SLC9C1: variants seen among roughly 807,000 people sequenced by gnomAD.
SLC9C1 encodes the protein sodium/hydrogen exchanger 10.
SLC9C1 carries 97 observed loss-of-function variants against 140.9 expected under a neutral mutation model. That is an observed-to-expected ratio of 0.69 (90% CI 0.58 to 0.82). SLC9C1 has a LOEUF of 0.82. SLC9C1 is among the 40% of genes least tolerant of loss of function. The pLI is 0.00. For synonymous variants in SLC9C1, 440 were observed against 442.6 expected, an observed-to-expected ratio of 0.99 and a Z score of 0.07; for missense variants, 1,340 against 1,389.3, an observed-to-expected ratio of 0.96 and a Z score of 0.56.
chr3:112,156,683 G>A (rs553758384), intron 26 of SLC9C1, among the ~76,000 whole-genome samples: 1 of 152,032 alleles, frequency 6.6e-6, no homozygotes, highest in Admixed American at 6.6e-5. Context: ...GTATTTGCCA[G>A]TATTTTAAAT....
chr3:112,228,479 T>C (rs1403487293), intron 13 of SLC9C1, among the ~76,000 whole-genome samples: 1 of 151,958 alleles, frequency 6.6e-6, no homozygotes, highest in African/African-American at 2.4e-5. Flanking sequence ...TGGGCAAGGA[T>C]TTCATGGCTA....
intron 6 of SLC9C1, among the ~76,000 whole-genome samples, chr3:112,270,594 T>C (rs2080044410): frequency 6.6e-6 from 1 of 152,206 alleles, no homozygotes; most frequent in Non-Finnish European, 1.5e-5. Context: ...GGTGGGCAGA[T>C]CACTTGAGGC....
intron 28 of SLC9C1, among the ~76,000 whole-genome samples, chr3:112,146,111 G>A (rs2074787445): frequency 1.3e-5 from 2 of 152,028 alleles, no homozygotes; most frequent in Non-Finnish European, 1.5e-5. Flanking sequence ...GTATGTAGAG[G>A]TGTTCATAAC....
intron 13 of SLC9C1, among the ~76,000 whole-genome samples, chr3:112,227,860 A>G (rs1362039633): frequency 4.6e-5 from 7 of 152,116 alleles, no homozygotes; most frequent in African/African-American, 1.7e-4. Context: ...AACCATGAAA[A>G]TGAAAGACCT....
At chr3:112,215,390 A>C (rs1478024872) in intron 15 of SLC9C1, among the ~76,000 whole-genome samples, 1 of 152,202 alleles carries the variant, frequency 6.6e-6, no homozygotes, top group African/African-American at 2.4e-5. Flanking sequence ...AATAAAGGGT[A>C]GTCAATTAGG....
rs188511133 is a variant in SLC9C1 at position 112,193,017 on chromosome 3, G to T, written c.2523+6304C>A. Reference sequence around the variant, plus strand: ...TATTGGCATGAGTAGGTCTTGGGGTGTCGGTTGGGTAGAATGCATTGGCTT... The same window carrying T: ...TATTGGCATGAGTAGGTCTTGGGGTTTCGGTTGGGTAGAATGCATTGGCTT... On this transcript the variant is annotated intron_variant, in intron 20 of 28. Transcript: ENST00000305815. Among the ~76,000 whole-genome samples the T allele has an allele frequency of 1.4e-3, 216 of 152,212 alleles. 3 individuals carry two copies. Among genetic ancestry groups the T allele is most frequent in the East Asian group, 0.013 (65 of 5,168 alleles).
chr3:112,269,757 T>G (rs2080020649), intron 7 of SLC9C1, among the ~76,000 whole-genome samples, 159 bp downstream of exon 7: 1 of 152,180 alleles, frequency 6.6e-6, no homozygotes, highest in Non-Finnish European at 1.5e-5. Context: ...GTATAGATAT[T>G]CATATGTTTA....
At chr3:112,203,693 T>C (rs2077967937) in intron 17 of SLC9C1, among the ~76,000 whole-genome samples, 1 of 151,968 alleles carries the variant, frequency 6.6e-6, no homozygotes. Context: ...GAGTTTCATG[T>C]CATTGAAATA....
At chr3:112,243,487 C>T (rs1247936040) in intron 11 of SLC9C1, among the ~76,000 whole-genome samples, 1 of 151,992 alleles carries the variant, frequency 6.6e-6, no homozygotes, top group East Asian at 1.9e-4. Flanking sequence ...TAGTGGATAC[C>T]AGGGAGTACT....
chr3:112,292,893 G>T (rs1242225739), intron 1 of SLC9C1, among the ~76,000 whole-genome samples: 1 of 151,908 alleles, frequency 6.6e-6, no homozygotes, highest in Non-Finnish European at 1.5e-5. Flanking sequence ...ACTTTTGACA[G>T]CTTTGTAAAA....
chr3:112,252,868 C>T (rs1290821259), intron 10 of SLC9C1, among the ~76,000 whole-genome samples: 2 of 152,094 alleles, frequency 1.3e-5, no homozygotes, highest in Non-Finnish European at 2.9e-5. Flanking sequence ...CAAGTGGAGA[C>T]TCCAGCCACC....
chr3:112,151,046 C>T (rs2074963721), intron 28 of SLC9C1, among the ~76,000 whole-genome samples: 2 of 151,724 alleles, frequency 1.3e-5, no homozygotes, highest in African/African-American at 4.8e-5. Context: ...CTACCTTGGT[C>T]AGGCTGGTCT....
chr3:112,142,949 A>G (rs551593618), intron 28 of SLC9C1, among the ~76,000 whole-genome samples: 3 of 152,180 alleles, frequency 2.0e-5, no homozygotes, highest in Admixed American at 6.5e-5. Flanking sequence ...TGAGTACCCA[A>G]TGTTTAGTTC....
chr3:112,184,549 T>C (rs2077496962), intron 20 of SLC9C1, among the ~76,000 whole-genome samples: 1 of 151,882 alleles, frequency 6.6e-6, no homozygotes. Context: ...GGCAGGAGAT[T>C]CGCTTGAACC....
Position 112,182,187 on chromosome 3 carries a change from A to G in SLC9C1, c.2595T>C (p.Val865=), listed in dbSNP as rs1227715343. ...TATCTAGCCACGGAATATGATATAGAACTTCTTCAACAGTAAGAGGCCTGA... is the reference window on the plus strand; with the variant it reads ...TATCTAGCCACGGAATATGATATAGGACTTCTTCAACAGTAAGAGGCCTGA... ...SIIRPLTVEE[V]LYHIPWLDKN... The change falls in exon 21 of 29, where the codon GTT becomes GTC. Residue 865 remains valine, a synonymous_variant. Transcript: ENST00000305815. 8 of 1,606,780 alleles carry G rather than the reference A, an allele frequency of 5.0e-6. No homozygotes were observed. The highest frequency in any genetic ancestry group is 2.2e-5 in the East Asian group (1 of 44,542).
At chr3:112,249,793 G>C (rs1177576154) in intron 10 of SLC9C1, among the ~76,000 whole-genome samples, 2 of 152,008 alleles carry the variant, frequency 1.3e-5, no homozygotes, top group African/African-American at 2.4e-5. Flanking sequence ...TGTCCTCTAA[G>C]TCATTTCTGA....
At chr3:112,166,478 A>C (rs1445852793) in intron 26 of SLC9C1, among the ~76,000 whole-genome samples, 1 of 152,214 alleles carries the variant, frequency 6.6e-6, no homozygotes, top group African/African-American at 2.4e-5. Flanking sequence ...GTCATGGTGG[A>C]CAGCACCTCT....
At chr3:112,172,893 T>A (rs1365165383) in intron 23 of SLC9C1, among the ~76,000 whole-genome samples, 1 of 152,176 alleles carries the variant, frequency 6.6e-6, no homozygotes, top group Non-Finnish European at 1.5e-5. Context: ...ATAAAGCTCA[T>A]TTATTTAGTT....
intron 23 of SLC9C1, among the ~76,000 whole-genome samples, chr3:112,175,496 C>T (rs2077319660): frequency 6.6e-6 from 1 of 152,194 alleles, no homozygotes; most frequent in Non-Finnish European, 1.5e-5. Flanking sequence ...GCTGGAGGTC[C>T]ACTCCAGCCT....
Sources: allele counts gnomAD v4.1 joint callset (sites outside exome capture counted in the v4.1 genomes callset), GRCh38; gene constraint gnomAD v4.1.1; transcripts MANE v1.5; gene names NCBI Gene and HGNC (gene_info 2026-07-23, HGNC 2026-07-21).